The following CCDC61 variants were observed in gnomAD, a reference collection of about 807,000 sequenced individuals.
CCDC61 encodes the protein coiled-coil domain containing 61, also known as centrosomal protein CCDC61.
Under a neutral mutation model 63.0 loss-of-function variants are expected in CCDC61, and 55 were observed. That is an observed-to-expected ratio of 0.87 (90% confidence interval 0.70 to 1.09). CCDC61 has a LOEUF of 1.09. Ranked by LOEUF, CCDC61 falls within the 50% of genes least tolerant of loss-of-function variation. CCDC61 has a pLI of 0.00. For synonymous variants in CCDC61, 270 were observed against 317.0 expected (o/e 0.85, Z 1.58); for missense variants, 651 against 731.4 (o/e 0.89, Z 1.27).
chr19:46,012,860 T>C (rs1036260047), intron 5 of CCDC61, among the ~76,000 whole-genome samples: 2 of 151,576 alleles, frequency 1.3e-5, no homozygotes, highest in Non-Finnish European at 2.9e-5. Flanking sequence ...AATTTTTTTT[T>C]TTTTTTTAAG....
At position 45,997,451 on chromosome 19, in the gene CCDC61, C is replaced by T. The variant is rs553133706; in HGVS notation, c.-12+1947C>T. On this transcript the variant is annotated intron_variant, in intron 1 of 13. Transcript: ENST00000595358. ...GGTCACCCAGGCTGGAGTGCAGTGGCGCGATCTCGGCTCACGGTAGCCTCC... is the reference window on the plus strand; with the variant it reads ...GGTCACCCAGGCTGGAGTGCAGTGGTGCGATCTCGGCTCACGGTAGCCTCC... Among the ~76,000 whole-genome samples, 700 of 152,060 alleles carry T rather than the reference C, an allele frequency of 4.6e-3. 2 individuals are homozygous for T. Among genetic ancestry groups the T allele is most frequent in the Middle Eastern group, 0.01 (3 of 294 alleles).
At chr19:45,998,334 G>A (rs1968530701) in intron 1 of CCDC61, among the ~76,000 whole-genome samples, 1 of 152,190 alleles carries the variant, frequency 6.6e-6, no homozygotes, top group Non-Finnish European at 1.5e-5. Context: ...GTATAGTTGG[G>A]ACCCGACCTA....
Position 46,016,553 on chromosome 19 carries a change from T to C in CCDC61, c.1092-141T>C. ...CCCTTCCGTCCGTCCTACCTCCTCG[T>C]CTGTGTTTCTGCGTGCTTTCCGCTC... On this transcript the variant is annotated intron_variant, in intron 9 of 13. Coordinates refer to ENST00000595358, the MANE Select transcript of CCDC61 (RefSeq NM_001267723.2). This position sits in a 1 kb window ranked among gnomAD's most constrained non-coding sequence, Gnocchi z 7.2. The C allele has an allele frequency of 7.1e-7, 1 of 1,403,936 alleles. No individual in the cohort carries two copies. Among genetic ancestry groups the C allele is most frequent in the Non-Finnish European group, 9.8e-7 (1 of 1,024,810 alleles). The allele number at this position is 1,403,936 out of a possible 1,614,324, so 87.0% of individuals were successfully genotyped here.
intron 3 of CCDC61, among the ~76,000 whole-genome samples, chr19:46,005,696 G>A (rs1968693629): frequency 1.3e-5 from 2 of 151,706 alleles, no homozygotes; most frequent in Non-Finnish European, 2.9e-5. Context: ...CCTGTTAGCT[G>A]TTTTTCTTGA....
chr19:46,016,749 T>C lies in CCDC61; in HGVS notation c.1147T>C (p.Ser383Pro), dbSNP rs769958653. The C allele has an allele frequency of 1.6e-5, 26 of 1,601,210 alleles. No individual in the cohort carries two copies. The South Asian group carries it at 2.8e-4, about 17-fold the overall frequency. The change falls in exon 10 of 14, where the codon TCC (serine) becomes CCC (proline). Residue 383 changes from serine (S) to proline (P), a missense_variant. Transcript: ENST00000595358. This position sits in a 1 kb window ranked among gnomAD's most constrained non-coding sequence, Gnocchi z 7.2. ...SGGSGDGPSV[S>P]WSRQTQPPAA... ...GGGAAGCGGGGACGGTCCGTCCGTC[T>C]CCTGGTCTCGCCAGACCCAGCCCCC...
chr19:46,017,229 GT>G lies in CCDC61; in HGVS notation c.1311-16del, dbSNP rs766930102. The G allele has an allele frequency of 1.3e-6, 2 of 1,558,718 alleles. No homozygotes were observed. The highest frequency in any genetic ancestry group is 2.4e-5 in the South Asian group (2 of 84,590). ...AGAGCCTCCCCACCACTGGTCCTTG[GT>G]TACTCCTTTTTCTCAGGGGTCACCG... On this transcript the variant is annotated splice_polypyrimidine_tract_variant and intron_variant, in intron 11 of 13. Coordinates refer to ENST00000595358, the MANE Select transcript of CCDC61 (RefSeq NM_001267723.2).
chr19:46,005,283 T>C (rs141417610), intron 3 of CCDC61, among the ~76,000 whole-genome samples: 2 of 152,192 alleles, frequency 1.3e-5, no homozygotes, highest in African/African-American at 4.8e-5. Flanking sequence ...GTGCTGGGAT[T>C]ACAGGTGTGA....
chr19:46,011,087 T>C (rs1002582527), intron 5 of CCDC61, among the ~76,000 whole-genome samples: 35 of 151,992 alleles, frequency 2.3e-4, no homozygotes, highest in Non-Finnish European at 4.0e-4. Flanking sequence ...TCTTGCTCTG[T>C]TGCCCAGGCT....
chr19:46,003,877 C>A (rs989535587), intron 3 of CCDC61, among the ~76,000 whole-genome samples: 1 of 150,326 alleles, frequency 6.7e-6, no homozygotes, highest in Non-Finnish European at 1.5e-5. Context: ...ATTTGCAGAT[C>A]TGTAATTATA....
At chr19:45,996,390 T>C (rs1968492237) in intron 1 of CCDC61, 1 of 151,890 alleles carries the variant, frequency 6.6e-6, no homozygotes, top group African/African-American at 2.4e-5. Flanking sequence ...GATGGGACAT[T>C]CATCCTGCCA....
At chr19:45,998,682 AAAT>A (rs1263536997) in intron 1 of CCDC61, among the ~76,000 whole-genome samples, 10 of 152,346 alleles carry the variant, frequency 6.6e-5, no homozygotes, top group African/African-American at 2.4e-4. Flanking sequence ...CTGGTCTGTC[AAAT>A]AATCAACAGA....
chr19:46,003,617 A>G (rs1744541245), intron 3 of CCDC61, 116 bp downstream of exon 3: 2 of 634,316 alleles, frequency 3.2e-6, no homozygotes, highest in Non-Finnish European at 5.4e-6. Flanking sequence ...CATTGTGGGA[A>G]GAGGGCGATC....
At chr19:46,012,933 A>G (rs1397513070) in intron 5 of CCDC61, among the ~76,000 whole-genome samples, 1 of 151,302 alleles carries the variant, frequency 6.6e-6, no homozygotes, top group Non-Finnish European at 1.5e-5. Context: ...CTCACTGTCA[A>G]CTCAGACTCC....
At chr19:46,009,097 G>T (rs936931527) in intron 5 of CCDC61, among the ~76,000 whole-genome samples, 2 of 152,158 alleles carry the variant, frequency 1.3e-5, no homozygotes, top group Non-Finnish European at 2.9e-5. Context: ...CTGTGCTGTG[G>T]GAGGCTGTCA....
rs192780790 is a variant in CCDC61, at chr19:46,015,016, C to G, written c.552-33C>G. The G allele has an allele frequency of 3.4e-6, 5 of 1,481,604 alleles. No homozygotes were observed. The highest frequency in any genetic ancestry group is 2.1e-5 in the Admixed American group (1 of 46,542). The allele number at this position is 1,481,604 out of a possible 1,614,324, so 91.8% of individuals were successfully genotyped here. ...GAGTAGTGGGAATGGGGCCATGCCT[C>G]TCTCTCCAGCGCTCTCTCCGCGTCT... On this transcript the variant is annotated intron_variant, in intron 5 of 13. Coordinates refer to ENST00000595358, the MANE Select transcript of CCDC61 (RefSeq NM_001267723.2). The surrounding 1 kb of genome is among the most constrained non-coding windows in gnomAD (Gnocchi z 5.3).
Position 46,016,549 on chromosome 19 carries a change from C to T in CCDC61, c.1092-145C>T. 1 of 1,401,536 alleles carries T rather than the reference C, an allele frequency of 7.1e-7. No homozygotes were observed. Among genetic ancestry groups the T allele is most frequent in the Non-Finnish European group, 9.8e-7 (1 of 1,022,046 alleles). The allele number at this position is 1,401,536 out of a possible 1,614,324, so 86.8% of individuals were successfully genotyped here. A position where few individuals can be genotyped will look rare whatever the true frequency, so the allele number is the denominator to read the frequency against. ...CTCTCCCTTCCGTCCGTCCTACCTC[C>T]TCGTCTGTGTTTCTGCGTGCTTTCC... On this transcript the variant is annotated intron_variant, in intron 9 of 13. Coordinates refer to ENST00000595358, the MANE Select transcript of CCDC61 (RefSeq NM_001267723.2). This position sits in a 1 kb window ranked among gnomAD's most constrained non-coding sequence, Gnocchi z 7.2.
chr19:46,003,611 G>A (rs1968636729), intron 3 of CCDC61, 110 bp downstream of exon 3: 3 of 664,122 alleles, frequency 4.5e-6, no homozygotes, highest in African/African-American at 1.8e-5. Context: ...CTCTTTCATT[G>A]TGGGAAGAGG....
chr19:46,003,465 C>T lies in CCDC61; in HGVS notation c.195C>T (p.Asn65=). 6.4e-7 allele frequency: 1 copy of T among 1,559,954 alleles called. No individual in the cohort carries two copies. Among genetic ancestry groups the T allele is most frequent in the Non-Finnish European group, 8.7e-7 (1 of 1,147,762 alleles). The change falls in exon 3 of 14, where the codon AAC becomes AAT. Residue 65 remains asparagine (N), a synonymous_variant. Coordinates refer to ENST00000595358, the MANE Select transcript of CCDC61 (RefSeq NM_001267723.2). The part of the protein sequence containing the change: ...THKTGNFKQF[N]IFCHMLESAL... ...AGACAGGGAACTTCAAACAGTTCAA[C>T]ATCTTCTGTCATATGCTGGAGTCAG...
chr19:45,999,416 G>A (rs1652855755), intron 1 of CCDC61, among the ~76,000 whole-genome samples: 1 of 152,080 alleles, frequency 6.6e-6, no homozygotes, highest in Admixed American at 6.5e-5. Context: ...GCCAGGCCAC[G>A]CGTGTGAATG....
Sources: allele counts gnomAD v4.1 joint callset (sites outside exome capture counted in the v4.1 genomes callset), GRCh38; gene constraint gnomAD v4.1.1; non-coding constraint Gnocchi (gnomAD v3.1); transcripts MANE v1.5; gene names NCBI Gene and HGNC (gene_info 2026-07-23, HGNC 2026-07-21).